Variants in COL6A6 observed in about 807,000 individuals in gnomAD.
The protein encoded by COL6A6 is collagen type VI alpha 6 chain.
In COL6A6, 183 loss-of-function variants were observed where a neutral mutation model predicts 208.6. That is an observed-to-expected ratio of 0.88 (90% CI 0.78 to 0.99). COL6A6 has a LOEUF of 0.99. Ranked by LOEUF, COL6A6 falls within the 50% of genes least tolerant of loss-of-function variation. The probability of loss-of-function intolerance (pLI) is 0.00; values close to 1 mark genes in which losing one functional copy is unlikely to be tolerated. For synonymous variants in COL6A6, 973 were observed against 1,011.8 expected (o/e 0.96, Z 0.73); for missense variants, 2,816 against 2,815.2 (o/e 1.00, Z -0.01).
chr3:130,615,939 T>C (rs955658078), intron 23 of COL6A6, among the ~76,000 whole-genome samples: 1 of 152,218 alleles, frequency 6.6e-6, no homozygotes, highest in African/African-American at 2.4e-5. Context: ...CTTGGCATTG[T>C]CAGAGTTAGT....
intron 23 of COL6A6, 105 bp from the exon 24 acceptor site, chr3:130,621,716 A>G: frequency 1.1e-6 from 1 of 899,054 alleles, no homozygotes; most frequent in Non-Finnish European, 1.8e-6. Context: ...ATACAGCCAT[A>G]ACTCTTCTCT....
chr3:130,558,813 C>G (rs891814361), intron 1 of COL6A6, among the ~76,000 whole-genome samples: 1 of 152,144 alleles, frequency 6.6e-6, no homozygotes, highest in Non-Finnish European at 1.5e-5. Flanking sequence ...ACCAAAGTCT[C>G]TTAGTTCTTA....
At chr3:130,642,774 C>T in intron 29 of COL6A6, 58 bp from the exon 30 acceptor site, 1 of 1,481,140 alleles carries the variant, frequency 6.8e-7, no homozygotes, top group Non-Finnish European at 9.3e-7. Context: ...TTGGTGCACA[C>T]TGGCTACTGA....
chr3:130,562,979 A>G (rs1350698370), intron 2 of COL6A6, 89 bp from the exon 3 acceptor site: 1 of 919,380 alleles, frequency 1.1e-6, no homozygotes, highest in African/African-American at 1.7e-5. Context: ...AATAAAAAGG[A>G]AAGTACTTCC....
In COL6A6 at chr3:130,574,428, G is replaced by A. The variant is rs181277569; in HGVS notation, c.3450G>A (p.Gly1150=). 3.6e-4 allele frequency: 573 copies of A among 1,614,018 alleles called. No homozygotes were observed. The highest frequency in any genetic ancestry group is 4.7e-4 in the Non-Finnish European group (553 of 1,179,894). The stretch of plus-strand genomic sequence containing the variant: ...ACCAGCAGCTCATTCAGATCACCGG[G>A]ACTGCAGAGAAAAAACTGACAGTGC... ...VDDQQLIQIT[G]TAEKKLTVHN... is the part of the protein sequence containing the mutation. Residue 1150 remains glycine (G), a synonymous_variant, in exon 8 of 37, where the codon GGG becomes GGA. Coordinates refer to ENST00000358511, the MANE Select transcript of COL6A6 (RefSeq NM_001102608.3).
chr3:130,565,292 T>C lies in COL6A6; in HGVS notation c.960T>C (p.Phe320=), dbSNP rs752528943. 1.2e-6 allele frequency: 2 copies of C among 1,614,002 alleles called. No individual in the cohort carries two copies. Among genetic ancestry groups the C allele is most frequent in the Middle Eastern group, 1.6e-4 (1 of 6,062 alleles). The stretch of plus-strand genomic sequence containing the variant: ...TCAAAAAGCTCAGGAAGGAAGTTTT[T>C]AGTGCACGGAATGGCAGTCGGAAGA... ...AAIKKLRKEV[F]SARNGSRKNQ... Residue 320 remains phenylalanine, a synonymous_variant, in exon 4 of 37, where the codon TTT becomes TTC. Transcript: ENST00000358511.
intron 23 of COL6A6, among the ~76,000 whole-genome samples, chr3:130,618,034 G>C (rs1406299699): frequency 6.6e-6 from 1 of 152,126 alleles, no homozygotes; most frequent in Non-Finnish European, 1.5e-5. Context: ...AGGAAAAAAA[G>C]TGGGACAATC....
intron 1 of COL6A6, among the ~76,000 whole-genome samples, chr3:130,536,374 C>A (rs2107728717): frequency 6.6e-6 from 1 of 152,278 alleles, no homozygotes; most frequent in Middle Eastern, 3.4e-3. Flanking sequence ...GGCACTGTTC[C>A]AGACTCCAGG....
At chr3:130,594,139 C>T (rs535595498) in intron 17 of COL6A6, 142 bp from the exon 18 acceptor site, 55 of 663,314 alleles carry the variant, frequency 8.3e-5, no homozygotes, top group South Asian at 4.9e-4. Flanking sequence ...CTAATTTTTT[C>T]GGTTGTTCAT....
intron 1 of COL6A6, among the ~76,000 whole-genome samples, chr3:130,521,522 A>G (rs955115396): frequency 1.3e-5 from 2 of 152,210 alleles, no homozygotes; most frequent in African/African-American, 4.8e-5. Flanking sequence ...CTTTAATGTG[A>G]AGATGACATT....
Position 130,665,136 on chromosome 3 carries a change from C to T in COL6A6, c.6596+40C>T. ...GTGTTACTTGATAAATGAGAATGCC[C>T]CCTGCCTTTCTTCTATTTTCCTCCT... On this transcript the variant is annotated intron_variant, in intron 36 of 36. Transcript: ENST00000358511. 2.2e-6 allele frequency: 3 copies of T among 1,345,590 alleles called. 1 individual carries two copies. In the South Asian group the frequency reaches 4.0e-5, roughly 18 times the overall value. 83.4% of individuals were successfully genotyped at this position (1,345,590 alleles called of 1,614,324 possible).
chr3:130,567,516 A>G (rs1245638797), intron 5 of COL6A6, among the ~76,000 whole-genome samples: 5 of 152,222 alleles, frequency 3.3e-5, no homozygotes, highest in Non-Finnish European at 7.3e-5. Context: ...ATTTCTTGCC[A>G]GGATAGATAT....
intron 33 of COL6A6, among the ~76,000 whole-genome samples, chr3:130,652,999 G>C (rs961536204): frequency 6.6e-6 from 1 of 152,218 alleles, no homozygotes; most frequent in Non-Finnish European, 1.5e-5. Flanking sequence ...TGTGATCACC[G>C]TCTTGGAAGT....
At chr3:130,564,710 G>T (rs1175830939) in intron 3 of COL6A6, among the ~76,000 whole-genome samples, 1 of 152,170 alleles carries the variant, frequency 6.6e-6, no homozygotes, top group Non-Finnish European at 1.5e-5. Flanking sequence ...TGAATTTTAT[G>T]TACCAGGCCC....
chr3:130,548,134 C>T (rs961163737), intron 1 of COL6A6, among the ~76,000 whole-genome samples: 1 of 152,240 alleles, frequency 6.6e-6, no homozygotes, highest in East Asian at 1.9e-4. Flanking sequence ...ATTCCAACAT[C>T]CCTGCCATGT....
At chr3:130,616,191 C>T (rs1319703550) in intron 23 of COL6A6, among the ~76,000 whole-genome samples, 4 of 151,582 alleles carry the variant, frequency 2.6e-5, no homozygotes, top group African/African-American at 4.9e-5. Context: ...TATTCTTCAC[C>T]GGTTCTATAA....
intron 35 of COL6A6, among the ~76,000 whole-genome samples, chr3:130,662,613 G>A: frequency 6.6e-6 from 1 of 152,090 alleles, no homozygotes; most frequent in Non-Finnish European, 1.5e-5. Context: ...TGAAGTCATA[G>A]CCTGGACTTT....
chr3:130,531,527 C>A (rs1324757832), intron 1 of COL6A6, among the ~76,000 whole-genome samples: 3 of 152,182 alleles, frequency 2.0e-5, no homozygotes, highest in African/African-American at 7.2e-5. Context: ...CTTCCCTTTC[C>A]CCATCAAAAC....
intron 36 of COL6A6, among the ~76,000 whole-genome samples, chr3:130,667,261 GA>G (rs1187613486): frequency 1.3e-5 from 2 of 152,224 alleles, no homozygotes; most frequent in Non-Finnish European, 2.9e-5. Context: ...TTGTGAGACA[GA>G]GTTTCACTCT....
Sources: gnomAD v4.1 joint callset for allele counts (sites outside exome capture counted in the v4.1 genomes callset) on GRCh38, gnomAD v4.1.1 for gene constraint, MANE v1.5 for transcripts, NCBI Gene and HGNC (gene_info 2026-07-23, HGNC 2026-07-21) for gene names.